PARP8: variants seen among roughly 807,000 people sequenced by gnomAD.
PARP8 encodes protein mono-ADP-ribosyltransferase PARP8.
A neutral mutation model predicts 124.1 loss-of-function variants in PARP8; 51 were observed. The observed-to-expected ratio is 0.41, with a 90% CI of 0.33 to 0.52. The LOEUF (loss-of-function observed/expected upper bound fraction) is 0.52, where lower values mean the gene tolerates loss of function less well. Among genes scored for constraint, PARP8 ranks in the 20% least tolerant of loss-of-function variants. PARP8 has a pLI of 0.21. For missense variants in PARP8, 860 were observed against 1,018.9 expected (o/e 0.84, Z 2.12); for synonymous variants, 391 against 361.5 (o/e 1.08, Z -0.93).
chr5:50,814,596 C>T (rs1187155749), intron 14 of PARP8, among the ~76,000 whole-genome samples: 4 of 151,984 alleles, frequency 2.6e-5, no homozygotes, highest in Admixed American at 2.6e-4. Context: ...TGCATATGGG[C>T]CAATTCTGAA....
chr5:50,827,924 G>A lies in PARP8; in HGVS notation c.1978-20G>A. On this transcript the variant is annotated intron_variant, in intron 19 of 25. Coordinates refer to ENST00000281631, the MANE Select transcript of PARP8 (RefSeq NM_024615.4). Reference sequence around the variant, plus strand: ...TGTTAAGTTTTACATGTTTTTGTTTGTCTTTATCTTAAATGGCAGCAATTG... The same window carrying A: ...TGTTAAGTTTTACATGTTTTTGTTTATCTTTATCTTAAATGGCAGCAATTG... 6.5e-7 allele frequency: 1 copy of A among 1,529,114 alleles called. No individual in the cohort carries two copies. Among genetic ancestry groups the A allele is most frequent in the Non-Finnish European group, 9.1e-7 (1 of 1,104,782 alleles). The allele number at this position is 1,529,114 out of a possible 1,614,324, so 94.7% of individuals were successfully genotyped here.
chr5:50,833,919 C>T (rs1448236933), intron 23 of PARP8, 60 bp from the exon 24 acceptor site: 3 of 1,398,290 alleles, frequency 2.1e-6, no homozygotes, highest in Non-Finnish European at 3.0e-6. Flanking sequence ...TAATGATGAA[C>T]AGCTTTTTTC....
intron 7 of PARP8, among the ~76,000 whole-genome samples, chr5:50,764,640 T>C (rs939644458): frequency 6.6e-6 from 1 of 152,224 alleles, no homozygotes; most frequent in African/African-American, 2.4e-5. Context: ...AAAGCAAGTC[T>C]TCTCTTTGCA....
intron 17 of PARP8, among the ~76,000 whole-genome samples, chr5:50,823,443 A>G (rs1490215013): frequency 6.6e-6 from 1 of 152,210 alleles, no homozygotes; most frequent in Non-Finnish European, 1.5e-5. Flanking sequence ...CACAAATGTT[A>G]TTATTTGCTT....
intron 12 of PARP8, among the ~76,000 whole-genome samples, 155 bp downstream of exon 12, chr5:50,795,572 C>T (rs966571567): frequency 6.6e-6 from 1 of 151,788 alleles, no homozygotes; most frequent in African/African-American, 2.4e-5. Flanking sequence ...GCATCCCATA[C>T]ATTTGCAACT....
intron 14 of PARP8, among the ~76,000 whole-genome samples, chr5:50,801,700 A>G (rs1743247727): frequency 6.6e-6 from 1 of 152,170 alleles, no homozygotes; most frequent in Non-Finnish European, 1.5e-5. Context: ...CTTTGTTACC[A>G]TTATGAAAGT....
chr5:50,671,757 ATTAAG>A (rs1227495134), intron 2 of PARP8, among the ~76,000 whole-genome samples: 5 of 152,292 alleles, frequency 3.3e-5, no homozygotes, highest in Non-Finnish European at 5.9e-5. Context: ...AAGAATGTTT[ATTAAG>A]TTGAGAGTTT....
intron 2 of PARP8, among the ~76,000 whole-genome samples, chr5:50,679,948 T>C (rs1751086749): frequency 1.3e-5 from 2 of 152,150 alleles, no homozygotes; most frequent in South Asian, 4.1e-4. Context: ...GGTCAAATTG[T>C]CCTAAGGAAA....
At chr5:50,771,602 C>G (rs1761636414) in intron 7 of PARP8, among the ~76,000 whole-genome samples, 1 of 152,090 alleles carries the variant, frequency 6.6e-6, no homozygotes, top group Admixed American at 6.5e-5. Context: ...TACATAAAAC[C>G]ATTTAATCAG....
chr5:50,725,071 GTATGTGTATATATATATATATACACA>G (rs1414906145), intron 2 of PARP8, among the ~76,000 whole-genome samples: 2 of 48,786 alleles, frequency 4.1e-5, no homozygotes, highest in South Asian at 5.8e-4. Flanking sequence ...CATTGTGTGT[GTATGTGTATATATATATATATACACA>G]TATGTGTATG....
intron 2 of PARP8, among the ~76,000 whole-genome samples, chr5:50,709,955 T>TATGTATACAC (rs149858890): frequency 1.9e-5 from 2 of 103,322 alleles, no homozygotes; most frequent in Non-Finnish European, 4.0e-5. Context: ...TATATATATA[T>TATGTATACAC]ACACATACAT....
At chr5:50,746,964 G>A (rs1251643084) in intron 2 of PARP8, among the ~76,000 whole-genome samples, 2 of 152,004 alleles carry the variant, frequency 1.3e-5, no homozygotes, top group Non-Finnish European at 2.9e-5. Context: ...GGAGTTTGAG[G>A]TTACAGTGAG....
chr5:50,750,318 T>C (rs1220034999), intron 3 of PARP8, 130 bp downstream of exon 3: 5 of 719,242 alleles, frequency 7.0e-6, no homozygotes, highest in African/African-American at 1.8e-5. Flanking sequence ...CTTAAAGCTA[T>C]AGAAGAATTC....
intron 2 of PARP8, among the ~76,000 whole-genome samples, chr5:50,676,574 A>G (rs1750664552): frequency 6.6e-6 from 1 of 152,242 alleles, no homozygotes; most frequent in African/African-American, 2.4e-5. Flanking sequence ...GTGTAGCAGA[A>G]GTACTCATTA....
rs1265453561 is a variant in PARP8 at position 50,842,213 on chromosome 5, A to G, written c.*145A>G. On this transcript the variant is annotated 3_prime_UTR_variant, in exon 26 of 26. Coordinates refer to ENST00000281631, the MANE Select transcript of PARP8 (RefSeq NM_024615.4). ...ACTGATTTTTTTTCTTAGTATTTCT[A>G]AGTATCTCATTAAATACCTAAAATG... is the stretch of plus-strand genomic sequence containing the variant. The G allele has an allele frequency of 5.1e-6, 3 of 587,506 alleles. No homozygotes were observed. The highest frequency in any genetic ancestry group is 2.0e-5 in the African/African-American group (1 of 50,158). 36.4% of individuals were successfully genotyped at this position (587,506 alleles called of 1,614,324 possible).
intron 2 of PARP8, among the ~76,000 whole-genome samples, chr5:50,746,238 G>A (rs1044218828): frequency 5.3e-5 from 8 of 152,112 alleles, no homozygotes; most frequent in African/African-American, 1.7e-4. Flanking sequence ...TTAGAGCTAG[G>A]GAACTGATTA....
chr5:50,743,126 G>A (rs570039499), intron 2 of PARP8, among the ~76,000 whole-genome samples: 68 of 152,294 alleles, frequency 4.5e-4, no homozygotes, highest in Admixed American at 1.0e-3. Context: ...TAGCCATTTG[G>A]AGATTTGGTG....
At chr5:50,704,537 TG>T (rs2149480024) in intron 2 of PARP8, among the ~76,000 whole-genome samples, 2 of 152,268 alleles carry the variant, frequency 1.3e-5, no homozygotes, top group South Asian at 4.1e-4. Flanking sequence ...CTCCCCCAAA[TG>T]GTAGCCACTA....
rs1748597940 is a variant in PARP8 at position 50,846,176 on chromosome 5, A to T, written c.*4108A>T. ...CCCAATATTTAATGTATCATTTGAGATTTTTAAAAATGCATCCGCTCCATT... is the reference window on the plus strand; with the variant it reads ...CCCAATATTTAATGTATCATTTGAGTTTTTTAAAAATGCATCCGCTCCATT... On this transcript the variant is annotated 3_prime_UTR_variant, in exon 26 of 26. Transcript: ENST00000281631. The T allele has an allele frequency of 1.3e-5, 2 of 151,708 alleles. No individual in the cohort carries two copies. The highest frequency in any genetic ancestry group is 4.8e-5 in the African/African-American group (2 of 41,380). The allele number at this position is 151,708 out of a possible 1,614,324, so 9.4% of individuals were successfully genotyped here. A position where few individuals can be genotyped will look rare whatever the true frequency, so the allele number is the denominator to read the frequency against.
Sources: gnomAD v4.1 joint callset for allele counts (sites outside exome capture counted in the v4.1 genomes callset) on GRCh38, gnomAD v4.1.1 for gene constraint, MANE v1.5 for transcripts, NCBI Gene and HGNC (gene_info 2026-07-23, HGNC 2026-07-21) for gene names.